Variants in DNAH11 observed in about 807,000 individuals in gnomAD.
The protein encoded by DNAH11 is dynein axonemal heavy chain 11.
DNAH11 carries 442 observed loss-of-function variants against 526.0 expected under a neutral mutation model. The observed-to-expected ratio is 0.84, with a 90% CI of 0.78 to 0.91. The LOEUF (loss-of-function observed/expected upper bound fraction) is 0.91, where lower values mean the gene tolerates loss of function less well. DNAH11 is among the 40% of genes least tolerant of loss of function. The pLI is 0.00. For missense variants in DNAH11, 6,989 were observed against 5,448.7 expected, an observed-to-expected ratio of 1.28 and a Z score of -8.90; for synonymous variants, 2,461 against 1,935.9, an observed-to-expected ratio of 1.27 and a Z score of -7.12.
At chr7:21,798,210 C>T (rs1490477757) in intron 61 of DNAH11, among the ~76,000 whole-genome samples, 1 of 152,188 alleles carries the variant, frequency 6.6e-6, no homozygotes, top group African/African-American at 2.4e-5. Context: ...ATTCTTGTGC[C>T]TCAGCCTCCT....
chr7:21,681,705 T>C (rs1008034392), intron 31 of DNAH11, 28 bp downstream of exon 31: 14 of 1,613,148 alleles, frequency 8.7e-6, no homozygotes, highest in Non-Finnish European at 1.2e-5. Context: ...ATTTTATGTA[T>C]TCATTATTGT....
At chr7:21,889,001 C>T (rs969076059) in intron 76 of DNAH11, among the ~76,000 whole-genome samples, 3 of 143,672 alleles carry the variant, frequency 2.1e-5, no homozygotes, top group African/African-American at 7.4e-5. Context: ...TACCCACGCC[C>T]CACCCACCCA....
intron 54 of DNAH11, among the ~76,000 whole-genome samples, chr7:21,750,705 A>G (rs1401718379): frequency 6.6e-6 from 1 of 152,218 alleles, no homozygotes; most frequent in Non-Finnish European, 1.5e-5. Context: ...GGAGCGCAGC[A>G]TCCTTCCTCA....
chr7:21,761,357 C>G (rs761624585), intron 54 of DNAH11, among the ~76,000 whole-genome samples: 44 of 152,096 alleles, frequency 2.9e-4, no homozygotes, highest in Non-Finnish European at 1.3e-4. Context: ...TTCCCAGAGT[C>G]TGGTTTAGCT....
At chr7:21,880,145 T>A (rs1212429959) in intron 74 of DNAH11, among the ~76,000 whole-genome samples, 1 of 150,886 alleles carries the variant, frequency 6.6e-6, no homozygotes, top group Non-Finnish European at 1.5e-5. Context: ...AGACAAGCAA[T>A]TTCATTTTCA....
intron 55 of DNAH11, 63 bp downstream of exon 55, chr7:21,765,652 ACACACACT>A: frequency 8.7e-7 from 1 of 1,152,050 alleles, no homozygotes; most frequent in Non-Finnish European, 1.2e-6. Flanking sequence ...ACACACACAC[ACACACACT>A]CTGAAAATCC....
chr7:21,552,428 A>G (rs1783057290), intron 2 of DNAH11, among the ~76,000 whole-genome samples: 1 of 152,330 alleles, frequency 6.6e-6, no homozygotes, highest in South Asian at 2.1e-4. Context: ...TTCCGGGTTT[A>G]TTCTTCGCTT....
At chr7:21,840,270 T>C (rs1384262081) in intron 65 of DNAH11, among the ~76,000 whole-genome samples, 1 of 152,216 alleles carries the variant, frequency 6.6e-6, no homozygotes, top group Non-Finnish European at 1.5e-5. Context: ...TTGTTCAAAA[T>C]TGACAAATTC....
At position 21,787,498 on chromosome 7, in the gene DNAH11, A is replaced by G; in HGVS notation, c.9839A>G (p.Glu3280Gly). 1 of 1,613,868 alleles carries G rather than the reference A, an allele frequency of 6.2e-7. No homozygotes were observed. Residue 3280 changes from glutamate (E) to glycine (G), a missense_variant, in exon 60 of 82, where the codon GAG becomes GGG. Transcript: ENST00000409508. ...AATGAACACTATTTGAAAGACCCAG[A>G]GTTTAATCCAAACCTGATTCGAACC... ...VVNEHYLKDP[E>G]FNPNLIRTKS...
intron 40 of DNAH11, among the ~76,000 whole-genome samples, chr7:21,709,001 T>A (rs1040875795): frequency 1.3e-5 from 2 of 152,198 alleles, no homozygotes; most frequent in Non-Finnish European, 2.9e-5. Flanking sequence ...GTTTAGTCAC[T>A]ATGGAAATTA....
chr7:21,559,722 A>T lies in DNAH11; in HGVS notation c.812A>T (p.His271Leu). The T allele has an allele frequency of 1.9e-6, 3 of 1,609,800 alleles. No homozygotes were observed. The highest frequency in any genetic ancestry group is 2.5e-6 in the Non-Finnish European group (3 of 1,177,862). ...GTGCAGCGTTTGTTGAATGGTCTTC[A>T]CTTGTCTCCTCAAGCAGAACTAGAT... is the stretch of plus-strand genomic sequence containing the variant. Reference protein sequence around the residue: ...DSVQRLLNGLHLSPQAELDFW... With the variant: ...DSVQRLLNGLLLSPQAELDFW... Residue 271 changes from histidine to leucine, a missense_variant, in exon 4 of 82, where the codon CAC becomes CTC. Physicochemically the swap from His to Leu is moderately conservative, Grantham distance 99 (BLOSUM62 -3). Transcript: ENST00000409508.
At chr7:21,557,078 G>A (rs184894445) in intron 2 of DNAH11, among the ~76,000 whole-genome samples, 1 of 151,446 alleles carries the variant, frequency 6.6e-6, no homozygotes, top group African/African-American at 2.4e-5. Context: ...AAAAAAAAGT[G>A]AGAACATACA....
intron 76 of DNAH11, among the ~76,000 whole-genome samples, 186 bp from the exon 77 acceptor site, chr7:21,892,239 T>G (rs1784351196): frequency 6.6e-6 from 1 of 152,182 alleles, no homozygotes; most frequent in African/African-American, 2.4e-5. Context: ...CTTGGGATCT[T>G]CCGCAGAGAT....
At chr7:21,558,101 T>A (rs569353212) in intron 2 of DNAH11, among the ~76,000 whole-genome samples, 2 of 152,288 alleles carry the variant, frequency 1.3e-5, no homozygotes, top group East Asian at 3.9e-4. Context: ...AGTTTTATAG[T>A]AAAATGTTTA....
At chr7:21,583,819 A>T (rs1478401433) in intron 9 of DNAH11, among the ~76,000 whole-genome samples, 2 of 152,232 alleles carry the variant, frequency 1.3e-5, no homozygotes, top group Admixed American at 6.5e-5. Flanking sequence ...GCCAAGAAAC[A>T]TGAAAAAAAG....
intron 54 of DNAH11, among the ~76,000 whole-genome samples, chr7:21,763,909 A>G (rs561521956): frequency 6.6e-5 from 10 of 151,972 alleles, no homozygotes; most frequent in Admixed American, 2.0e-4. Flanking sequence ...CCTCGAGGAC[A>G]TCATGCTAAG....
rs1336847487 is a variant in DNAH11, at chr7:21,862,034, C to T, written c.11373+11C>T. 4 of 1,601,460 alleles carry T rather than the reference C, an allele frequency of 2.5e-6. No homozygotes were observed. Among genetic ancestry groups the T allele is most frequent in the East Asian group, 2.2e-5 (1 of 44,472 alleles). On this transcript the variant is annotated intron_variant, in intron 69 of 81. Transcript: ENST00000409508. The stretch of plus-strand genomic sequence containing the variant: ...CAGATGGCTTTTCAGGTAAGGAGAT[C>T]AGTTACTTGAAAAAGGATCCCCAGA...
At chr7:21,722,807 C>G (rs1291383325) in intron 44 of DNAH11, among the ~76,000 whole-genome samples, 1 of 151,830 alleles carries the variant, frequency 6.6e-6, no homozygotes, top group African/African-American at 2.4e-5. Flanking sequence ...AACCCTCCTT[C>G]TCCACCAGGT....
chr7:21,584,103 A>G (rs1161736033), intron 9 of DNAH11, among the ~76,000 whole-genome samples: 1 of 152,254 alleles, frequency 6.6e-6, no homozygotes, highest in Non-Finnish European at 1.5e-5. Flanking sequence ...ATTATAAGTC[A>G]TTCTTCTATA....
Sources: allele counts gnomAD v4.1 joint callset (sites outside exome capture counted in the v4.1 genomes callset), GRCh38; gene constraint gnomAD v4.1.1; transcripts MANE v1.5; gene names NCBI Gene and HGNC (gene_info 2026-07-23, HGNC 2026-07-21).